RXFP1: variants seen among roughly 807,000 people sequenced by gnomAD.
RXFP1 encodes relaxin receptor 1.
A neutral mutation model predicts 89.8 loss-of-function variants in RXFP1; 73 were observed. That is an observed-to-expected ratio of 0.81 (90% CI 0.67 to 0.99). The LOEUF (loss-of-function observed/expected upper bound fraction) is 0.99, where lower values mean the gene tolerates loss of function less well. RXFP1 is among the 50% of genes least tolerant of loss of function. The pLI is 0.00. For synonymous variants in RXFP1, 277 were observed against 305.5 expected (o/e 0.91, Z 0.97); for missense variants, 793 against 895.5 (o/e 0.89, Z 1.46).
At chr4:158,630,309 T>C (rs1767784991) in intron 11 of RXFP1, among the ~76,000 whole-genome samples, 1 of 152,152 alleles carries the variant, frequency 6.6e-6, no homozygotes, top group Non-Finnish European at 1.5e-5. Context: ...AACCATCTGT[T>C]GTAGCAACTC....
chr4:158,530,933 G>T (rs983441555), intron 1 of RXFP1, among the ~76,000 whole-genome samples: 2 of 152,100 alleles, frequency 1.3e-5, no homozygotes, highest in African/African-American at 2.4e-5. Flanking sequence ...TTTTTGTAGC[G>T]CATCTGGCTC....
At chr4:158,639,774 C>T (rs917842538) in intron 14 of RXFP1, among the ~76,000 whole-genome samples, 4 of 152,034 alleles carry the variant, frequency 2.6e-5, no homozygotes, top group African/African-American at 9.7e-5. Context: ...GCAGGAGAAT[C>T]GCTTGAACCC....
At chr4:158,524,322 G>A (rs757220583) in intron 1 of RXFP1, among the ~76,000 whole-genome samples, 9 of 152,112 alleles carry the variant, frequency 5.9e-5, no homozygotes, top group African/African-American at 1.2e-4. Context: ...TATAAAGCCC[G>A]TTACAGACGT....
At chr4:158,635,753 T>G (rs1174820079) in intron 12 of RXFP1, among the ~76,000 whole-genome samples, 4 of 152,170 alleles carry the variant, frequency 2.6e-5, no homozygotes, top group African/African-American at 9.7e-5. Flanking sequence ...TTTCTCTCTT[T>G]CCTTCTTTCT....
At chr4:158,526,332 C>T (rs1742498772) in intron 1 of RXFP1, among the ~76,000 whole-genome samples, 1 of 152,228 alleles carries the variant, frequency 6.6e-6, no homozygotes, top group African/African-American at 2.4e-5. Context: ...ACCTCTCCCT[C>T]CTCCTGGATA....
intron 1 of RXFP1, among the ~76,000 whole-genome samples, chr4:158,555,925 C>T (rs1245600640): frequency 6.6e-6 from 1 of 151,920 alleles, no homozygotes; most frequent in Non-Finnish European, 1.5e-5. Context: ...ATACAAAAAC[C>T]AACTCAAAAT....
At chr4:158,607,176 G>A in intron 5 of RXFP1, 1 of 1,333,448 alleles carries the variant, frequency 7.5e-7, no homozygotes, top group Non-Finnish European at 1.0e-6. Context: ...GTGCAATGAT[G>A]CAATAGCGTA....
At chr4:158,544,127 A>C (rs1747572939) in intron 1 of RXFP1, 12 of 980,796 alleles carry the variant, frequency 1.2e-5, no homozygotes, top group Non-Finnish European at 1.5e-5. Context: ...TACTTCCTAA[A>C]TATAAATGAA....
chr4:158,538,069 G>A (rs994174960), intron 1 of RXFP1, among the ~76,000 whole-genome samples: 4 of 152,210 alleles, frequency 2.6e-5, no homozygotes, highest in Non-Finnish European at 5.9e-5. Context: ...AACAGTGTTT[G>A]TAGGTCAAAT....
rs146120820 is a variant in RXFP1 at position 158,526,820 on chromosome 4, C to T, written c.49+4795C>T. ...ATTTCTGAGAGTTAATCTTTGGGAACGGTACTCTTGGGACTTTTCACCAGC... is the reference window on the plus strand; with the variant it reads ...ATTTCTGAGAGTTAATCTTTGGGAATGGTACTCTTGGGACTTTTCACCAGC... On this transcript the variant is annotated intron_variant, in intron 1 of 17. Coordinates refer to ENST00000307765, the MANE Select transcript of RXFP1 (RefSeq NM_021634.4). Among the ~76,000 whole-genome samples, 407 of 152,244 alleles carry T rather than the reference C, an allele frequency of 2.7e-3. 2 individuals are homozygous for T. The highest frequency in any genetic ancestry group is 4.8e-3 in the Non-Finnish European group (326 of 68,014).
intron 8 of RXFP1, 90 bp from the exon 9 acceptor site, chr4:158,617,041 G>T (rs925545583): frequency 1.2e-6 from 1 of 863,918 alleles, no homozygotes; most frequent in Non-Finnish European, 1.8e-6. Context: ...TGGATTTGTG[G>T]GTTTCATAAG....
chr4:158,527,074 C>G (rs1247876694), intron 1 of RXFP1, among the ~76,000 whole-genome samples: 1 of 152,106 alleles, frequency 6.6e-6, no homozygotes. Flanking sequence ...CAAAATGTTA[C>G]CCACATGATT....
intron 2 of RXFP1, among the ~76,000 whole-genome samples, chr4:158,584,040 CTT>C (rs1276608436): frequency 6.6e-6 from 1 of 152,196 alleles, no homozygotes; most frequent in African/African-American, 2.4e-5. Flanking sequence ...CACCTCTGCT[CTT>C]GTGGGTAATA....
intron 12 of RXFP1, among the ~76,000 whole-genome samples, chr4:158,635,117 C>T (rs1768892021): frequency 6.6e-6 from 1 of 151,798 alleles, no homozygotes; most frequent in Admixed American, 6.6e-5. Flanking sequence ...TCACTTTGAG[C>T]AATACTGACA....
At chr4:158,643,856 G>T (rs1402603142) in intron 14 of RXFP1, among the ~76,000 whole-genome samples, 4 of 151,896 alleles carry the variant, frequency 2.6e-5, no homozygotes, top group Non-Finnish European at 5.9e-5. Context: ...TTACATTCCC[G>T]CCAATAACAG....
At chr4:158,636,130 C>T (rs1769107111) in intron 12 of RXFP1, among the ~76,000 whole-genome samples, 1 of 152,118 alleles carries the variant, frequency 6.6e-6, no homozygotes, top group African/African-American at 2.4e-5. Flanking sequence ...AAGGCAGGTG[C>T]TTGTAGTCCC....
intron 1 of RXFP1, among the ~76,000 whole-genome samples, chr4:158,523,988 G>C (rs1741829697): frequency 6.6e-6 from 1 of 152,192 alleles, no homozygotes; most frequent in South Asian, 2.1e-4. Flanking sequence ...AAGACGCTTA[G>C]CTGCACTACC....
At chr4:158,568,478 C>G (rs989362927) in intron 1 of RXFP1, among the ~76,000 whole-genome samples, 6 of 152,142 alleles carry the variant, frequency 3.9e-5, no homozygotes, top group Non-Finnish European at 8.8e-5. Context: ...AAGAATTTTT[C>G]TTAAAATCTT....
chr4:158,563,594 T>A (rs1350608201), intron 1 of RXFP1, among the ~76,000 whole-genome samples: 3 of 151,688 alleles, frequency 2.0e-5, no homozygotes, highest in Admixed American at 2.0e-4. Flanking sequence ...ACCAATAATC[T>A]ATGGGGCAAT....
Sources: gnomAD v4.1 joint callset for allele counts (sites outside exome capture counted in the v4.1 genomes callset) on GRCh38, gnomAD v4.1.1 for gene constraint, MANE v1.5 for transcripts, NCBI Gene and HGNC (gene_info 2026-07-23, HGNC 2026-07-21) for gene names.